BCL2: variants seen among roughly 807,000 people sequenced by gnomAD.
BCL2 encodes BCL2 apoptosis regulator, also known as apoptosis regulator Bcl-2.
A neutral mutation model predicts 14.2 loss-of-function variants in BCL2; 1 was observed. That is an observed-to-expected ratio of 0.07 (90% confidence interval 0.02 to 0.33). BCL2 has a LOEUF of 0.33. Among genes scored for constraint, BCL2 ranks in the 10% least tolerant of loss-of-function variants. The probability of loss-of-function intolerance (pLI) is 0.99; values close to 1 mark genes in which losing one functional copy is unlikely to be tolerated. For synonymous variants in BCL2, 151 were observed against 137.2 expected, an observed-to-expected ratio of 1.10 and a Z score of -0.70; for missense variants, 247 against 305.9, an observed-to-expected ratio of 0.81 and a Z score of 1.44.
At chr18:63,279,235 C>T (rs1912241079) in intron 2 of BCL2, among the ~76,000 whole-genome samples, 1 of 152,172 alleles carries the variant, frequency 6.6e-6, no homozygotes, top group African/African-American at 2.4e-5. Flanking sequence ...TCAAAAGATT[C>T]TGTTTTGAGA....
At chr18:63,244,494 G>A (rs1049441346) in intron 2 of BCL2, among the ~76,000 whole-genome samples, 1 of 152,192 alleles carries the variant, frequency 6.6e-6, no homozygotes, top group Non-Finnish European at 1.5e-5. Flanking sequence ...AGGAGGCGGA[G>A]GTTACAGTGA....
intron 2 of BCL2, among the ~76,000 whole-genome samples, chr18:63,169,279 T>C (rs199923812): frequency 4.8e-5 from 3 of 62,520 alleles, no homozygotes; most frequent in African/African-American, 3.8e-4. Context: ...TTTCTTTCTT[T>C]CTTTCTTTCT....
chr18:63,267,024 A>C (rs1911852704), intron 2 of BCL2, among the ~76,000 whole-genome samples: 1 of 152,174 alleles, frequency 6.6e-6, no homozygotes, highest in Non-Finnish European at 1.5e-5. Context: ...GGAAACAGAG[A>C]GTGCTCCTCA....
In BCL2 at chr18:63,161,614, G is replaced by T. The variant is rs115151200; in HGVS notation, c.586-32855C>A. On this transcript the variant is annotated intron_variant, in intron 2 of 2. Coordinates refer to ENST00000333681, the MANE Select transcript of BCL2 (RefSeq NM_000633.3). ...GACTGTGTTACTGAAAGTTAATCAA[G>T]GGTCCTAGGGCCATTTACAAAGTGG... 2.0e-3 allele frequency among the ~76,000 whole-genome samples: 312 copies of T among 152,296 alleles called. 1 individual carries two copies. The highest frequency in any genetic ancestry group is 7.2e-3 in the African/African-American group (299 of 41,548).
chr18:63,174,820 C>CAG (rs1915315177), intron 2 of BCL2, among the ~76,000 whole-genome samples: 1 of 72,284 alleles, frequency 1.4e-5, no homozygotes, highest in African/African-American at 4.5e-5. Flanking sequence ...GACTTTGTCT[C>CAG]AAAAAAAAAA....
chr18:63,153,507 G>A (rs974329608), intron 2 of BCL2, among the ~76,000 whole-genome samples: 3 of 152,196 alleles, frequency 2.0e-5, no homozygotes, highest in Non-Finnish European at 4.4e-5. Context: ...TTTTTGCAGA[G>A]TCCGTAATTT....
chr18:63,276,447 C>T lies in BCL2; in HGVS notation c.585+41635G>A, dbSNP rs564981607. Among the ~76,000 whole-genome samples, 13 of 152,286 alleles carry T rather than the reference C, an allele frequency of 8.5e-5. No homozygotes were observed. In the East Asian group the frequency reaches 2.1e-3, roughly 25 times the overall value. On this transcript the variant is annotated intron_variant, in intron 2 of 2. Coordinates refer to ENST00000333681, the MANE Select transcript of BCL2 (RefSeq NM_000633.3). Reference sequence around the variant, plus strand: ...GGGTGGGGCCAGACAGGCTGGACAACCTGCAGTACATGGGATGGTCTAGCA... The same window carrying T: ...GGGTGGGGCCAGACAGGCTGGACAATCTGCAGTACATGGGATGGTCTAGCA...
chr18:63,290,009 G>A (rs1300554752), intron 2 of BCL2, among the ~76,000 whole-genome samples: 2 of 152,298 alleles, frequency 1.3e-5, no homozygotes, highest in Admixed American at 6.5e-5. Flanking sequence ...AGTTAAGAAG[G>A]TGGTGGCAGC....
chr18:63,317,626 G>A, intron 2 of BCL2: 1 of 1,008,674 alleles, frequency 9.9e-7, no homozygotes, highest in Non-Finnish European at 1.2e-6. Flanking sequence ...CAATTTTAGT[G>A]TACAACGGGC....
At chr18:63,162,749 A>G (rs910061426) in intron 2 of BCL2, among the ~76,000 whole-genome samples, 2 of 152,120 alleles carry the variant, frequency 1.3e-5, no homozygotes, top group Admixed American at 1.3e-4. Context: ...CAAGGAAGAC[A>G]CCAGAGCCTT....
chr18:63,297,436 T>G (rs141243546), intron 2 of BCL2, among the ~76,000 whole-genome samples: 72 of 152,272 alleles, frequency 4.7e-4, no homozygotes, highest in African/African-American at 1.7e-3. Context: ...CAATCGCATC[T>G]CAATTCAGAT....
chr18:63,134,406 T>A (rs926009864), intron 2 of BCL2, among the ~76,000 whole-genome samples: 3 of 152,120 alleles, frequency 2.0e-5, no homozygotes, highest in African/African-American at 7.2e-5. Flanking sequence ...CCTAGAACCA[T>A]GCAACAGGCC....
intron 2 of BCL2, among the ~76,000 whole-genome samples, chr18:63,262,685 G>C (rs1343147436): frequency 6.6e-6 from 1 of 152,144 alleles, no homozygotes; most frequent in Non-Finnish European, 1.5e-5. Flanking sequence ...GATTCAACAG[G>C]AAAGTCCCAC....
intron 2 of BCL2, among the ~76,000 whole-genome samples, chr18:63,146,050 T>G (rs922653490): frequency 5.9e-5 from 9 of 152,130 alleles, no homozygotes; most frequent in Non-Finnish European, 1.3e-4. Flanking sequence ...AAAATTCCCT[T>G]TATTTTTTTC....
chr18:63,312,092 T>A (rs919253131), intron 2 of BCL2, among the ~76,000 whole-genome samples: 1 of 152,268 alleles, frequency 6.6e-6, no homozygotes, highest in African/African-American at 2.4e-5. Context: ...CCTGCCCAGC[T>A]GCCTGCAGCA....
At chr18:63,217,659 T>C (rs992511527) in intron 2 of BCL2, among the ~76,000 whole-genome samples, 5 of 152,190 alleles carry the variant, frequency 3.3e-5, no homozygotes, top group Non-Finnish European at 1.5e-5. Flanking sequence ...TCCTTTGAGT[T>C]CAGTCCCAGC....
chr18:63,147,510 C>A (rs570009068), intron 2 of BCL2, among the ~76,000 whole-genome samples: 4 of 152,246 alleles, frequency 2.6e-5, no homozygotes, highest in East Asian at 3.9e-4. Context: ...ACGTGACCTG[C>A]CGTAATATAG....
At chr18:63,193,365 C>T (rs1485991880) in intron 2 of BCL2, among the ~76,000 whole-genome samples, 1 of 151,836 alleles carries the variant, frequency 6.6e-6, no homozygotes, top group African/African-American at 2.4e-5. Flanking sequence ...TTCTTTATTC[C>T]TGTTGAAGGG....
rs1913857285 is a variant in BCL2, at chr18:63,124,473, AGGTTCT to A, written c.*4146_*4151del. ...CAAAATGTTTCTCATTTGTCACACAAGGTTCTTCGCAGAGGCATCACATCGACCCCA... is the reference window on the plus strand; with the variant it reads ...CAAAATGTTTCTCATTTGTCACACAATCGCAGAGGCATCACATCGACCCCA... On this transcript the variant is annotated 3_prime_UTR_variant, in exon 3 of 3. Transcript: ENST00000333681. 8.6e-6 allele frequency: 2 copies of A among 231,672 alleles called. No homozygotes were observed. The highest frequency in any genetic ancestry group is 3.6e-4 in the South Asian group (2 of 5,522). 14.4% of individuals were successfully genotyped at this position (231,672 alleles called of 1,614,324 possible). A position where few individuals can be genotyped will look rare whatever the true frequency, so the allele number is the denominator to read the frequency against.
Sources: allele counts gnomAD v4.1 joint callset (sites outside exome capture counted in the v4.1 genomes callset), GRCh38; gene constraint gnomAD v4.1.1; transcripts MANE v1.5; gene names NCBI Gene and HGNC (gene_info 2026-07-23, HGNC 2026-07-21).